DZANK1: variants seen among roughly 807,000 people sequenced by gnomAD.
The protein encoded by DZANK1 is double zinc ribbon and ankyrin repeat domains 1.
DZANK1 carries 91 observed loss-of-function variants against 94.5 expected under a neutral mutation model. The ratio of observed to expected loss-of-function variants is 0.96; its 90% CI spans 0.81 to 1.15. DZANK1 has a LOEUF of 1.15. DZANK1 is among the 50% of genes most tolerant of loss of function. DZANK1 has a pLI of 0.00. For missense variants in DZANK1, 903 were observed against 916.4 expected, an observed-to-expected ratio of 0.99 and a Z score of 0.19; for synonymous variants, 312 against 325.3, an observed-to-expected ratio of 0.96 and a Z score of 0.44.
chr20:18,412,659 G>T (rs770918012), exon 13 of DZANK1: 1 of 1,612,802 alleles, frequency 6.2e-7, no homozygotes, highest in South Asian at 1.1e-5. Flanking sequence ...TTCCTGGGCT[G>T]ATGGCTGTCA....
chr20:18,466,496 T>C (rs1320153930), intron 1 of DZANK1, among the ~76,000 whole-genome samples: 2 of 152,216 alleles, frequency 1.3e-5, no homozygotes, highest in Admixed American at 6.5e-5. Flanking sequence ...AAACTACAGA[T>C]ACTGACAGCA....
rs777991861 is a variant in DZANK1, at chr20:18,412,645, C to T, written c.1432+1G>A. ...AGAAGAAAGGGCATCCTCCCCCTTA[C>T]CTCTTCCTGGGCTGATGGCTGTCAG... On this transcript the variant is annotated splice_donor_variant, in intron 13 of 20. Coordinates refer to ENST00000262547, the Ensembl canonical transcript of DZANK1. LOFTEE classifies it high-confidence loss of function. The T allele has an allele frequency of 3.1e-6, 5 of 1,612,472 alleles. No individual in the cohort carries two copies. In the Admixed American group the frequency reaches 8.3e-5, roughly 27 times the overall value.
At chr20:18,455,965 C>A (rs2059272235) in intron 3 of DZANK1, among the ~76,000 whole-genome samples, 2 of 152,302 alleles carry the variant, frequency 1.3e-5, no homozygotes, top group East Asian at 3.9e-4. Flanking sequence ...ATCTCAGAAG[C>A]CCTTGGCATC....
intron 10 of DZANK1, among the ~76,000 whole-genome samples, chr20:18,425,956 C>T (rs1327053731): frequency 3.9e-5 from 6 of 152,340 alleles, no homozygotes; most frequent in African/African-American, 1.4e-4. Context: ...TGATTTTAGA[C>T]TTCTAGTCTC....
At position 18,384,569 on chromosome 20, in the gene DZANK1, A is replaced by G. The variant is rs1265189029; in HGVS notation, c.2094-5T>C. On this transcript the variant is annotated splice_region_variant and splice_polypyrimidine_tract_variant and intron_variant, in intron 20 of 20. Transcript: ENST00000262547. Reference sequence around the variant, plus strand: ...TTTTGGATGCTTGCATTGCATCTGCAAAGGAAATGGAGAAACGGAGGTGCA... The same window carrying G: ...TTTTGGATGCTTGCATTGCATCTGCGAAGGAAATGGAGAAACGGAGGTGCA... 1.3e-6 allele frequency: 2 copies of G among 1,596,056 alleles called. No individual in the cohort carries two copies. Among genetic ancestry groups the G allele is most frequent in the East Asian group, 4.5e-5 (2 of 44,548 alleles).
chr20:18,442,463 C>T (rs2058743852), intron 8 of DZANK1, among the ~76,000 whole-genome samples: 1 of 152,164 alleles, frequency 6.6e-6, no homozygotes, highest in Non-Finnish European at 1.5e-5. Flanking sequence ...CGACTCCCAC[C>T]CTTATTCCCT....
At position 18,466,107 on chromosome 20, in the gene DZANK1, G is replaced by A. The variant is rs185781345; in HGVS notation, c.-19-730C>T. ...GGAAGGTTGTCATAATTAATGCACA[G>A]AAGGTTTCAGGGGGAAAAAACGCTC... is the stretch of plus-strand genomic sequence containing the variant. On this transcript the variant is annotated intron_variant, in intron 1 of 20. Coordinates refer to ENST00000262547, the Ensembl canonical transcript of DZANK1. Among the ~76,000 whole-genome samples, 4 of 152,288 alleles carry A rather than the reference G, an allele frequency of 2.6e-5. No individual in the cohort carries two copies. The East Asian group carries it at 7.7e-4, about 29-fold the overall frequency.
intron 10 of DZANK1, among the ~76,000 whole-genome samples, chr20:18,419,811 T>C (rs1208316551): frequency 7.3e-5 from 11 of 150,426 alleles, no homozygotes; most frequent in South Asian, 2.1e-4. Flanking sequence ...TGAAGGGATA[T>C]GATACCAGAC....
intron 19 of DZANK1, among the ~76,000 whole-genome samples, chr20:18,386,106 T>C (rs2048479188): frequency 6.6e-6 from 1 of 152,160 alleles, no homozygotes; most frequent in African/African-American, 2.4e-5. Flanking sequence ...ACCCTCATCC[T>C]CCACACCTGC....
At chr20:18,442,171 G>A (rs879642221) in intron 8 of DZANK1, among the ~76,000 whole-genome samples, 1 of 152,194 alleles carries the variant, frequency 6.6e-6, no homozygotes, top group Admixed American at 6.5e-5. Context: ...CAATCTAGGT[G>A]TTTTAAAGTT....
intron 13 of DZANK1, among the ~76,000 whole-genome samples, chr20:18,400,721 T>C (rs2056626780): frequency 6.6e-6 from 1 of 152,180 alleles, no homozygotes; most frequent in South Asian, 2.1e-4. Flanking sequence ...TAGTGCACTG[T>C]TTGACACAAA....
chr20:18,393,935 T>C (rs550612195), intron 16 of DZANK1, 124 bp from the exon 17 acceptor site: 4 of 701,172 alleles, frequency 5.7e-6, no homozygotes, highest in South Asian at 3.9e-5. Flanking sequence ...GAAATTTCTA[T>C]TTGATTAAAC....
At chr20:18,384,115 G>T in exon 21 of DZANK1, 1 of 210,962 alleles carries the variant, frequency 4.7e-6, no homozygotes, top group Non-Finnish European at 9.4e-6. Flanking sequence ...GCTGGAGTGC[G>T]ATGGCGCGAT....
chr20:18,385,090 C>A, exon 20 of DZANK1: 1 of 1,552,466 alleles, frequency 6.4e-7, no homozygotes, highest in East Asian at 2.4e-5. Context: ...TATTTCTGAG[C>A]CTAATGAGGG....
intron 20 of DZANK1, 137 bp downstream of exon 20, chr20:18,384,879 G>A (rs1044502049): frequency 6.8e-5 from 57 of 834,932 alleles, no homozygotes; most frequent in Non-Finnish European, 8.4e-5. Flanking sequence ...TCAGTGCCCC[G>A]GAAGCCATGG....
At chr20:18,433,626 G>A (rs779120829) in intron 9 of DZANK1, 26 bp downstream of exon 9, 1 of 1,597,986 alleles carries the variant, frequency 6.3e-7, no homozygotes, top group Admixed American at 1.7e-5. Flanking sequence ...TTTCATTCAT[G>A]TTTTTACAGA....
At chr20:18,446,737 C>A (rs1262044258) in intron 7 of DZANK1, among the ~76,000 whole-genome samples, 1 of 152,144 alleles carries the variant, frequency 6.6e-6, no homozygotes, top group Non-Finnish European at 1.5e-5. Context: ...CTAATCATTT[C>A]ACTTGTGAAT....
chr20:18,415,496 C>G (rs1379388809), intron 10 of DZANK1, 47 bp from the exon 11 acceptor site: 2 of 1,332,558 alleles, frequency 1.5e-6, no homozygotes, highest in South Asian at 5.3e-5. Context: ...ACTATATTCT[C>G]TAATCCCCCT....
At chr20:18,389,794 C>T (rs200168644) in exon 19 of DZANK1, 6 of 1,613,924 alleles carry the variant, frequency 3.7e-6, no homozygotes, top group East Asian at 2.2e-5. Context: ...TATGACGGGT[C>T]GATTGTCTTC....
Sources: allele counts gnomAD v4.1 joint callset (sites outside exome capture counted in the v4.1 genomes callset), GRCh38; gene constraint gnomAD v4.1.1; transcripts MANE v1.5; gene names NCBI Gene and HGNC (gene_info 2026-07-23, HGNC 2026-07-21).